Variants in SH3KBP1 observed in about 807,000 individuals in gnomAD.
The protein encoded by SH3KBP1 is SH3 domain-containing kinase-binding protein 1.
A neutral mutation model predicts 50.1 loss-of-function variants in SH3KBP1; 8 were observed. The ratio of observed to expected loss-of-function variants is 0.16; its 90% confidence interval spans 0.09 to 0.29. The LOEUF is 0.29. SH3KBP1 is among the 10% of genes least tolerant of loss of function. The probability of loss-of-function intolerance (pLI) is 1.00; values close to 1 mark genes in which losing one functional copy is unlikely to be tolerated. For synonymous variants in SH3KBP1, 227 were observed against 218.6 expected (o/e 1.04, Z -0.34); for missense variants, 377 against 535.2 (o/e 0.70, Z 2.92).
At chrX:19,824,287 A>G (rs903855604) in intron 2 of SH3KBP1, among the ~76,000 whole-genome samples, 1 of 112,387 alleles carries the variant, frequency 8.9e-6, no homozygotes, top group Non-Finnish European at 1.9e-5. Context: ...TTTAGAAATA[A>G]GATGAAAATA....
chrX:19,777,940 G>A (rs1309576058), intron 2 of SH3KBP1, among the ~76,000 whole-genome samples: 1 of 111,117 alleles, frequency 9.0e-6, no homozygotes, highest in Non-Finnish European at 1.9e-5. Context: ...ACCACCCAGA[G>A]AAACAAAAAA....
At chrX:19,881,776 CA>C (rs748600533) in intron 1 of SH3KBP1, among the ~76,000 whole-genome samples, 16 of 111,506 alleles carry the variant, frequency 1.4e-4, no homozygotes, top group Non-Finnish European at 2.6e-4. Context: ...CACAGGTGGA[CA>C]GGGGTGGAAG....
chrX:19,652,219 TC>T (rs1443678103), intron 6 of SH3KBP1, among the ~76,000 whole-genome samples: 1 of 111,535 alleles, frequency 9.0e-6, no homozygotes, highest in Admixed American at 9.5e-5. Context: ...TGGGATGTCT[TC>T]CGGGGCCTCG....
At chrX:19,792,514 G>A (rs2066563179) in intron 2 of SH3KBP1, among the ~76,000 whole-genome samples, 3 of 110,798 alleles carry the variant, frequency 2.7e-5, no homozygotes, top group African/African-American at 9.9e-5. Context: ...GCTCTTCCAC[G>A]GAAGAGAATT....
chrX:19,621,182 C>T (rs1215737913), intron 8 of SH3KBP1, among the ~76,000 whole-genome samples: 1 of 101,586 alleles, frequency 9.8e-6, no homozygotes, highest in Non-Finnish European at 2.0e-5. Flanking sequence ...TCACGCCATT[C>T]TCCTGCCTCA....
chrX:19,559,318 AT>A (rs1277678057), intron 13 of SH3KBP1, among the ~76,000 whole-genome samples: 122 of 97,992 alleles, frequency 1.2e-3, no homozygotes, highest in Middle Eastern at 5.3e-3. Context: ...AATGGAAACA[AT>A]TTTTTTTTTT....
intron 6 of SH3KBP1, among the ~76,000 whole-genome samples, chrX:19,659,685 T>C (rs1246170545): frequency 8.9e-6 from 1 of 112,683 alleles, no homozygotes; most frequent in Non-Finnish European, 1.9e-5. Flanking sequence ...GACACTCCAG[T>C]TACCACTTAG....
At chrX:19,747,890 A>G (rs1478106091) in intron 2 of SH3KBP1, among the ~76,000 whole-genome samples, 1 of 112,467 alleles carries the variant, frequency 8.9e-6, no homozygotes, top group African/African-American at 3.2e-5. Flanking sequence ...GTACACGGAC[A>G]CCTACCTCAG....
At chrX:19,740,822 C>A (rs1026509202) in intron 3 of SH3KBP1, 14 of 304,865 alleles carry the variant, frequency 4.6e-5, no homozygotes, top group African/African-American at 3.0e-4. Flanking sequence ...TCAAGATCCA[C>A]GCCACCGCCT....
At chrX:19,616,118 T>G (rs995754317) in intron 8 of SH3KBP1, among the ~76,000 whole-genome samples, 1 of 111,110 alleles carries the variant, frequency 9.0e-6, no homozygotes, top group African/African-American at 3.3e-5. Flanking sequence ...TACTCCATCA[T>G]GCATGGCTAA....
intron 7 of SH3KBP1, among the ~76,000 whole-genome samples, chrX:19,639,993 C>G (rs769654676): frequency 1.9e-5 from 2 of 105,965 alleles, no homozygotes; most frequent in African/African-American, 7.0e-5. Flanking sequence ...TCTGCCCAGC[C>G]ATTCTTGAGG....
intron 13 of SH3KBP1, among the ~76,000 whole-genome samples, chrX:19,561,046 C>G (rs769133771): frequency 2.3e-4 from 23 of 99,681 alleles, no homozygotes; most frequent in Admixed American, 7.8e-4. Flanking sequence ...TGCACTCCAG[C>G]CTGGGCAACA....
At chrX:19,838,014 T>C (rs2068106331) in intron 1 of SH3KBP1, among the ~76,000 whole-genome samples, 1 of 110,180 alleles carries the variant, frequency 9.1e-6, no homozygotes, top group South Asian at 3.8e-4. Context: ...GACCTTAGGT[T>C]TGGCAAAGAT....
At chrX:19,774,009 C>A (rs1326541788) in intron 2 of SH3KBP1, among the ~76,000 whole-genome samples, 1 of 110,071 alleles carries the variant, frequency 9.1e-6, no homozygotes, top group Non-Finnish European at 1.9e-5. Context: ...CACCCTGTCA[C>A]CCTTTCATAG....
At chrX:19,585,314 A>C (rs778862072) in intron 12 of SH3KBP1, among the ~76,000 whole-genome samples, 6 of 111,912 alleles carry the variant, frequency 5.4e-5, no homozygotes, top group African/African-American at 1.9e-4. Context: ...CCCCTCTTTT[A>C]AGGAACCATG....
At chrX:19,725,292 T>TA (rs5901663) in intron 3 of SH3KBP1, among the ~76,000 whole-genome samples, 12,993 of 73,244 alleles carry the variant, frequency 0.18, 1,168 homozygotes, top group Non-Finnish European at 0.18. Context: ...GTCTCTACTC[T>TA]AAAAAAAAAA....
chrX:19,721,173 C>T (rs760921052), intron 3 of SH3KBP1, among the ~76,000 whole-genome samples: 39 of 111,437 alleles, frequency 3.5e-4, no homozygotes, highest in African/African-American at 1.2e-3. Flanking sequence ...TATATCCCTG[C>T]AATTCATTCC....
At chrX:19,691,998 T>C (rs941345023) in intron 5 of SH3KBP1, among the ~76,000 whole-genome samples, 5 of 111,997 alleles carry the variant, frequency 4.5e-5, no homozygotes, top group African/African-American at 1.6e-4. Flanking sequence ...ATACTATTAT[T>C]ATTTTTGTTG....
chrX:19,539,173 C>A (rs923294910), intron 16 of SH3KBP1, among the ~76,000 whole-genome samples: 2 of 112,219 alleles, frequency 1.8e-5, no homozygotes, highest in Admixed American at 9.4e-5. Flanking sequence ...AGAGAGCTGT[C>A]CTCCATTTTC....
Sources: allele counts gnomAD v4.1 joint callset (sites outside exome capture counted in the v4.1 genomes callset), GRCh38; gene constraint gnomAD v4.1.1; transcripts MANE v1.5; gene names NCBI Gene and HGNC (gene_info 2026-07-23, HGNC 2026-07-21).